KCNJ6: variants seen among roughly 807,000 people sequenced by gnomAD.
KCNJ6 encodes the protein potassium inwardly rectifying channel subfamily J member 6, also known as G protein-activated inward rectifier potassium channel 2.
KCNJ6 carries 9 observed loss-of-function variants against 34.2 expected under a neutral mutation model. That is an observed-to-expected ratio of 0.26 (90% confidence interval 0.16 to 0.46). The LOEUF is 0.46. Ranked by LOEUF, KCNJ6 falls within the 20% of genes least tolerant of loss-of-function variation. The pLI, the probability that KCNJ6 is intolerant of heterozygous loss-of-function variation, is 1.00. For synonymous variants in KCNJ6, 196 were observed against 207.1 expected, an observed-to-expected ratio of 0.95 and a Z score of 0.46; for missense variants, 236 against 531.3, an observed-to-expected ratio of 0.44 and a Z score of 5.46.
chr21:37,762,601 G>C (rs1035690875), intron 2 of KCNJ6, among the ~76,000 whole-genome samples: 4 of 152,196 alleles, frequency 2.6e-5, no homozygotes, highest in African/African-American at 9.7e-5. Flanking sequence ...GTCAACTCTT[G>C]TATGTTACCA....
At chr21:37,828,166 T>A (rs12482087) in intron 2 of KCNJ6, among the ~76,000 whole-genome samples, 4 of 152,226 alleles carry the variant, frequency 2.6e-5, no homozygotes, top group Admixed American at 2.0e-4. Flanking sequence ...AACATGTAGA[T>A]ATCCCCAACC....
intron 3 of KCNJ6, among the ~76,000 whole-genome samples, chr21:37,690,930 T>G (rs2054636861): frequency 6.6e-6 from 1 of 152,072 alleles, no homozygotes; most frequent in African/African-American, 2.4e-5. Context: ...TGCAGGCATC[T>G]GCCACCATAC....
chr21:37,844,205 C>T (rs889225727), intron 1 of KCNJ6, among the ~76,000 whole-genome samples: 2 of 151,978 alleles, frequency 1.3e-5, no homozygotes, highest in East Asian at 1.9e-4. Flanking sequence ...ATTACAGGTG[C>T]ACACCAAAAC....
intron 2 of KCNJ6, among the ~76,000 whole-genome samples, chr21:37,793,183 A>G (rs1372929559): frequency 6.6e-6 from 1 of 152,254 alleles, no homozygotes; most frequent in African/African-American, 2.4e-5. Context: ...TTCCGTATCC[A>G]TTAAATAACA....
At chr21:37,634,467 A>G (rs1441947658) in intron 3 of KCNJ6, among the ~76,000 whole-genome samples, 1 of 152,088 alleles carries the variant, frequency 6.6e-6, no homozygotes, top group Non-Finnish European at 1.5e-5. Context: ...TTCATAAATT[A>G]CCCAGCCTCA....
At position 37,620,791 on chromosome 21, in the gene KCNJ6, T is replaced by A. The variant is rs2054287749; in HGVS notation, c.*4368A>T. On this transcript the variant is annotated 3_prime_UTR_variant, in exon 4 of 4. Coordinates refer to ENST00000609713, the MANE Select transcript of KCNJ6 (RefSeq NM_002240.5). ...CTTAATGCTCTCAAACACCACACCA[T>A]GTTGGGTAAAATATTGTTGGGTTAT... 6.6e-6 allele frequency: 1 copy of A among 152,162 alleles called. No individual in the cohort carries two copies. Among genetic ancestry groups the A allele is most frequent in the African/African-American group, 2.4e-5 (1 of 41,434 alleles). The allele number at this position is 152,162 out of a possible 1,614,324, so 9.4% of individuals were successfully genotyped here.
chr21:37,837,408 C>T (rs1056118513), intron 2 of KCNJ6, among the ~76,000 whole-genome samples: 9 of 152,108 alleles, frequency 5.9e-5, no homozygotes, highest in Non-Finnish European at 1.3e-4. Context: ...AAAAAATGAT[C>T]GAAGTTGACT....
chr21:37,896,948 G>A (rs1352950181), intron 1 of KCNJ6, among the ~76,000 whole-genome samples: 1 of 152,214 alleles, frequency 6.6e-6, no homozygotes, highest in Non-Finnish European at 1.5e-5. Context: ...CCAGGCTGCT[G>A]GGAATTCATC....
intron 2 of KCNJ6, among the ~76,000 whole-genome samples, chr21:37,756,825 T>C (rs868350691): frequency 6.8e-4 from 80 of 118,038 alleles, no homozygotes; most frequent in South Asian, 1.6e-3. Context: ...TCCCTCACAG[T>C]GTGATGATTC....
rs143099844 is a variant in KCNJ6, at chr21:37,734,116, G to T, written c.26-18985C>A. 5.3e-5 allele frequency among the ~76,000 whole-genome samples: 8 copies of T among 152,312 alleles called. No individual in the cohort carries two copies. In the East Asian group the frequency reaches 1.3e-3, roughly 26 times the overall value. The stretch of plus-strand genomic sequence containing the variant: ...CTGTTGTGTACCCTGAGGCTTTGAG[G>T]TACCAGAAGACGGAGGTTGAAATCT... On this transcript the variant is annotated intron_variant, in intron 2 of 3. Coordinates refer to ENST00000609713, the MANE Select transcript of KCNJ6 (RefSeq NM_002240.5).
intron 1 of KCNJ6, among the ~76,000 whole-genome samples, chr21:37,881,579 G>A (rs1479635768): frequency 1.3e-5 from 2 of 151,986 alleles, no homozygotes; most frequent in Non-Finnish European, 1.5e-5. Context: ...TCAGTGGCAC[G>A]ATCACAGCTC....
chr21:37,886,093 T>G (rs1218950357), intron 1 of KCNJ6, among the ~76,000 whole-genome samples: 1 of 152,192 alleles, frequency 6.6e-6, no homozygotes, highest in East Asian at 1.9e-4. Context: ...CTGGAAAGAA[T>G]GAGGATCCTC....
At chr21:37,668,062 G>T (rs185482071) in intron 3 of KCNJ6, among the ~76,000 whole-genome samples, 3 of 152,156 alleles carry the variant, frequency 2.0e-5, no homozygotes, top group Non-Finnish European at 4.4e-5. Flanking sequence ...ATCAGTGGGC[G>T]CAGCTGAGAA....
chr21:37,639,853 C>T (rs1211793687), intron 3 of KCNJ6, among the ~76,000 whole-genome samples: 2 of 152,224 alleles, frequency 1.3e-5, no homozygotes, highest in African/African-American at 2.4e-5. Context: ...CCCTGACTCT[C>T]TCTCTCTTCC....
At chr21:37,835,372 A>G (rs1302286238) in intron 2 of KCNJ6, among the ~76,000 whole-genome samples, 2 of 152,188 alleles carry the variant, frequency 1.3e-5, no homozygotes, top group Non-Finnish European at 2.9e-5. Flanking sequence ...CTCCAACACC[A>G]TGCACAAGAC....
chr21:37,678,779 C>T (rs1181629166), intron 3 of KCNJ6, among the ~76,000 whole-genome samples: 2 of 152,190 alleles, frequency 1.3e-5, no homozygotes, highest in African/African-American at 4.8e-5. Context: ...ACTCAGGGAG[C>T]ACCTACTGTA....
chr21:37,909,178 A>G (rs974580213), intron 1 of KCNJ6, among the ~76,000 whole-genome samples: 13 of 152,274 alleles, frequency 8.5e-5, no homozygotes, highest in African/African-American at 3.1e-4. Flanking sequence ...AACCAATTAG[A>G]TTTATGTGAA....
At chr21:37,750,477 C>T (rs998375385) in intron 2 of KCNJ6, among the ~76,000 whole-genome samples, 10 of 152,184 alleles carry the variant, frequency 6.6e-5, no homozygotes, top group Admixed American at 6.5e-4. Flanking sequence ...TTGGAACCAA[C>T]CTAAACGCCC....
At chr21:37,701,102 C>T (rs866165967) in intron 3 of KCNJ6, among the ~76,000 whole-genome samples, 1 of 152,226 alleles carries the variant, frequency 6.6e-6, no homozygotes, top group Non-Finnish European at 1.5e-5. Context: ...GAGGACACAG[C>T]TGCCTGGGTC....
Sources: gnomAD v4.1 joint callset for allele counts (sites outside exome capture counted in the v4.1 genomes callset) on GRCh38, gnomAD v4.1.1 for gene constraint, MANE v1.5 for transcripts, NCBI Gene and HGNC (gene_info 2026-07-23, HGNC 2026-07-21) for gene names.